Variants in RCC1 observed in about 807,000 individuals in gnomAD.
RCC1 encodes the protein regulator of chromosome condensation 1, also known as regulator of chromosome condensation.
RCC1 carries 11 observed loss-of-function variants against 44.4 expected under a neutral mutation model. The observed-to-expected ratio is 0.25, with a 90% CI of 0.16 to 0.41. The LOEUF is 0.41. RCC1 is among the 10% of genes least tolerant of loss of function. The pLI is 1.00. For synonymous variants in RCC1, 213 were observed against 216.5 expected (o/e 0.98, Z 0.14); for missense variants, 386 against 547.1 (o/e 0.71, Z 2.94).
rs1168443435 is a variant in RCC1, at chr1:28,533,845, C to CTTTTTTTTTTTTTTTTTT, written c.442-1172_442-1155dup. ...ATATTTTTTTCTTTTCTTTTCTTTT[C>CTTTTTTTTTTTTTTTTTT]TTTTTTTTTTTTTTTTTTTTTTTTT... On this transcript the variant is annotated intron_variant, in intron 7 of 12. Coordinates refer to ENST00000683442, the MANE Select transcript of RCC1 (RefSeq NM_001381865.2). Among the ~76,000 whole-genome samples the CTTTTTTTTTTTTTTTTTT allele has an allele frequency of 4.1e-4, 19 of 46,876 alleles. 5 individuals carry two copies. The highest frequency in any genetic ancestry group is 1.1e-3 in the South Asian group (1 of 888). 30.8% of individuals were successfully genotyped at this position (46,876 alleles called of 152,430 possible).
chr1:28,508,068 C>G (rs1662168475), intron 1 of RCC1, 60 bp from the exon 2 acceptor site: 4 of 414,660 alleles, frequency 9.6e-6, no homozygotes, highest in South Asian at 6.6e-5. Flanking sequence ...TAGCATGAGG[C>G]CCCTCGTTGA....
rs201429762 is a variant in RCC1 at position 28,511,403 on chromosome 1, GTTTTT to G, written c.-153+2509_-153+2513del. Reference sequence around the variant, plus strand: ...TACAGTATCCAATTTTTTGTTTTTTGTTTTTTTTTTTTTTTGAGAGGGAGTCTCGC... The same window carrying G: ...TACAGTATCCAATTTTTTGTTTTTTGTTTTTTTTTTGAGAGGGAGTCTCGC... On this transcript the variant is annotated intron_variant, in intron 3 of 12. Coordinates refer to ENST00000683442, the MANE Select transcript of RCC1 (RefSeq NM_001381865.2). Among the ~76,000 whole-genome samples the G allele has an allele frequency of 4.2e-5, 6 of 141,432 alleles. No homozygotes were observed. In the South Asian group the frequency reaches 9.1e-4, roughly 21 times the overall value. 92.8% of individuals were successfully genotyped at this position (141,432 alleles called of 152,430 possible). A position where few individuals can be genotyped will look rare whatever the true frequency, so the allele number is the denominator to read the frequency against.
intron 2 of RCC1, chr1:28,508,372 T>TG: frequency 5.6e-6 from 2 of 354,186 alleles, no homozygotes; most frequent in South Asian, 4.2e-5. Context: ...CTGTAAAAAT[T>TG]GCTTTTTTTA....
Position 28,535,919 on chromosome 1 carries a change from G to GGGGC in RCC1, c.711_714dup (p.His239GlyfsTer21). 6.2e-7 allele frequency: 1 copy of GGGGC among 1,614,046 alleles called. No homozygotes were observed. The highest frequency in any genetic ancestry group is 8.5e-7 in the Non-Finnish European group (1 of 1,179,968). On this transcript the variant is annotated frameshift_variant, in exon 10 of 13. Coordinates refer to ENST00000683442, the MANE Select transcript of RCC1 (RefSeq NM_001381865.2). LOFTEE classifies it high-confidence loss of function. The stretch of plus-strand genomic sequence containing the variant: ...GTGATGCTGAAATCCAGGGGAAGCC[G>GGGGC]GGGCCACGTGAGATTCCAGGATGCC...
At position 28,535,878 on chromosome 1, in the gene RCC1, C is replaced by T. The variant is rs774523267; in HGVS notation, c.669C>T (p.Leu223=). The change falls in exon 10 of 13, where the codon CTC becomes CTT. Residue 223 remains leucine (L), a synonymous_variant. Transcript: ENST00000683442. ...NRGGRQGLER[L]LVPKCVMLKS... ...CTTTCCCTTTGCCTGCAGAACGACTCCTGGTCCCCAAGTGTGTGATGCTGA... is the reference window on the plus strand; with the variant it reads ...CTTTCCCTTTGCCTGCAGAACGACTTCTGGTCCCCAAGTGTGTGATGCTGA... 1 of 1,612,798 alleles carries T rather than the reference C, an allele frequency of 6.2e-7. No homozygotes were observed. The highest frequency in any genetic ancestry group is 8.5e-7 in the Non-Finnish European group (1 of 1,179,280).
intron 3 of RCC1, among the ~76,000 whole-genome samples, chr1:28,512,086 T>C (rs1424369933): frequency 2.0e-5 from 3 of 146,512 alleles, no homozygotes; most frequent in Non-Finnish European, 4.5e-5. Flanking sequence ...GCGATTCTCC[T>C]GCCTCAACCT....
intron 5 of RCC1, chr1:28,530,479 G>A (rs777482809): frequency 1.3e-6 from 2 of 1,543,292 alleles, no homozygotes; most frequent in South Asian, 2.3e-5. Flanking sequence ...CAAACTGGGA[G>A]GGGAAGTGTG....
Position 28,536,821 on chromosome 1 carries a change from C to G in RCC1, c.1012C>G (p.Pro338Ala). 6.2e-6 allele frequency: 10 copies of G among 1,614,084 alleles called. No homozygotes were observed. The highest frequency in any genetic ancestry group is 8.5e-6 in the Non-Finnish European group (10 of 1,179,986). Residue 338 changes from proline to alanine, a missense_variant, in exon 12 of 13, where the codon CCC becomes GCC. Physicochemically the swap from Pro to Ala is conservative, Grantham distance 27 (BLOSUM62 -1). Coordinates refer to ENST00000683442, the MANE Select transcript of RCC1 (RefSeq NM_001381865.2). This position sits in a 1 kb window ranked among gnomAD's most constrained non-coding sequence, Gnocchi z 4.9. Reference sequence around the variant, plus strand: ...AGAGGGTGCTGAGGAGAAGAGCATACCCACCCTCATCTCCAGGCTGCCTGC... The same window carrying G: ...AGAGGGTGCTGAGGAGAAGAGCATAGCCACCCTCATCTCCAGGCTGCCTGC... ...LGEGAEEKSI[P>A]TLISRLPAVS...
chr1:28,510,719 A>G (rs1377038092), intron 3 of RCC1: 1 of 152,288 alleles, frequency 6.6e-6, no homozygotes, highest in Non-Finnish European at 1.5e-5. Context: ...AGGAACCAAA[A>G]GACTAATTGT....
At chr1:28,521,499 CAGAAAAAAAAAAA>C (rs1663279348) in intron 4 of RCC1, among the ~76,000 whole-genome samples, 3 of 117,412 alleles carry the variant, frequency 2.6e-5, no homozygotes, top group Non-Finnish European at 3.5e-5. Flanking sequence ...GACTCCACCT[CAGAAAAAAAAAAA>C]AAAAAAAAAA....
At chr1:28,507,309 G>T (rs1173697575) in intron 1 of RCC1, 1 of 511,186 alleles carries the variant, frequency 2.0e-6, no homozygotes, top group African/African-American at 1.9e-5. Flanking sequence ...GTAGTAACAT[G>T]AATGGATGAA....
chr1:28,507,443 A>G (rs751617217), intron 1 of RCC1: 1 of 519,088 alleles, frequency 1.9e-6, no homozygotes, highest in South Asian at 1.4e-5. Flanking sequence ...GCTCTGCCCC[A>G]TGATGTACAA....
intron 4 of RCC1, chr1:28,518,280 G>C (rs1663019279): frequency 6.6e-6 from 1 of 152,216 alleles, no homozygotes; most frequent in African/African-American, 2.4e-5. Flanking sequence ...GGGGAGCGCC[G>C]GAGTTCCTTG....
intron 4 of RCC1, among the ~76,000 whole-genome samples, chr1:28,520,668 A>G (rs1274606324): frequency 6.6e-6 from 1 of 152,102 alleles, no homozygotes. Context: ...CTCTTCTCCC[A>G]GAGACTGTAT....
intron 12 of RCC1, 79 bp from the exon 13 acceptor site, chr1:28,537,753 C>T (rs1464188770): frequency 6.9e-7 from 1 of 1,439,942 alleles, no homozygotes; most frequent in Non-Finnish European, 9.4e-7. Context: ...AGTCCACGCC[C>T]ATGTCCCAGG....
chr1:28,535,557 G>A, intron 9 of RCC1, 177 bp downstream of exon 9: 1 of 979,890 alleles, frequency 1.0e-6, no homozygotes, highest in South Asian at 1.4e-5. Context: ...ATGGGACTCT[G>A]AACATAGTTT....
chr1:28,509,904 T>C (rs1436246901), intron 3 of RCC1: 1 of 152,138 alleles, frequency 6.6e-6, no homozygotes, highest in African/African-American at 2.4e-5. Flanking sequence ...GAAAAATCGA[T>C]GGTAGCAACG....
At chr1:28,530,580 G>A (rs1664072428) in intron 5 of RCC1, 13 of 1,605,938 alleles carry the variant, frequency 8.1e-6, no homozygotes, top group Non-Finnish European at 1.0e-5. Context: ...CAAGGTGCCT[G>A]CGGGCCGAGC....
intron 3 of RCC1, among the ~76,000 whole-genome samples, chr1:28,514,532 C>A (rs1662768898): frequency 6.6e-6 from 1 of 151,376 alleles, no homozygotes; most frequent in South Asian, 2.1e-4. Flanking sequence ...GAGGCTGAGA[C>A]TGGCGGATCA....
Sources: allele counts gnomAD v4.1 joint callset (sites outside exome capture counted in the v4.1 genomes callset), GRCh38; gene constraint gnomAD v4.1.1; non-coding constraint Gnocchi (gnomAD v3.1); transcripts MANE v1.5; gene names NCBI Gene and HGNC (gene_info 2026-07-23, HGNC 2026-07-21).